The following MMS22L variants were observed in gnomAD, a reference collection of about 807,000 sequenced individuals.
MMS22L encodes protein MMS22-like.
Under a neutral mutation model 159.1 loss-of-function variants are expected in MMS22L, and 74 were observed. The ratio of observed to expected loss-of-function variants is 0.47; its 90% CI spans 0.39 to 0.56. The LOEUF is 0.56. MMS22L is among the 20% of genes least tolerant of loss of function. The probability of loss-of-function intolerance (pLI) is 0.00; values close to 1 mark genes in which losing one functional copy is unlikely to be tolerated. For missense variants in MMS22L, 1,351 were observed against 1,422.1 expected (o/e 0.95, Z 0.80); for synonymous variants, 517 against 506.9 (o/e 1.02, Z -0.27).
chr6:97,262,694 C>A (rs1814627148), intron 9 of MMS22L, among the ~76,000 whole-genome samples: 1 of 150,758 alleles, frequency 6.6e-6, no homozygotes, highest in East Asian at 1.9e-4. Context: ...GCACCCAAAC[C>A]CCAAATTACA....
At chr6:97,170,625 T>C (rs1208503430) in intron 19 of MMS22L, among the ~76,000 whole-genome samples, 4 of 152,172 alleles carry the variant, frequency 2.6e-5, no homozygotes, top group Admixed American at 1.3e-4. Context: ...CCTATGTATT[T>C]TGCCTACTTT....
chr6:97,182,165 T>C (rs1804787979), intron 15 of MMS22L, 111 bp from the exon 16 acceptor site: 6 of 840,498 alleles, frequency 7.1e-6, no homozygotes, highest in Admixed American at 2.8e-5. Context: ...AAGTAACAAA[T>C]AATAAAATGT....
chr6:97,246,816 T>G, intron 10 of MMS22L, 126 bp from the exon 11 acceptor site: 1 of 608,734 alleles, frequency 1.6e-6, no homozygotes, highest in Non-Finnish European at 2.8e-6. Flanking sequence ...TGTGATTTCT[T>G]GAATTTCTAA....
chr6:97,177,276 T>C (rs1804224216), intron 18 of MMS22L, among the ~76,000 whole-genome samples: 1 of 152,172 alleles, frequency 6.6e-6, no homozygotes, highest in Non-Finnish European at 1.5e-5. Context: ...ACTAAAATGC[T>C]TTAAATTCTT....
intron 11 of MMS22L, among the ~76,000 whole-genome samples, chr6:97,235,290 T>C (rs191632090): frequency 6.6e-6 from 1 of 152,164 alleles, no homozygotes; most frequent in Non-Finnish European, 1.5e-5. Flanking sequence ...TGCTATTTCC[T>C]GAAATGGCAA....
chr6:97,206,257 C>T (rs1171327311), intron 14 of MMS22L, among the ~76,000 whole-genome samples: 1 of 151,826 alleles, frequency 6.6e-6, no homozygotes, highest in Admixed American at 6.6e-5. Flanking sequence ...AATTTCTCTA[C>T]TTTCCTTTTC....
Position 97,282,511 on chromosome 6 carries a change from G to A in MMS22L, c.-34C>T. Reference sequence around the variant, plus strand: ...TCATGTTCTGAAACACTTGGGGTTCGTCGTATCATTAAGGGCTCCAAAGAG... The same window carrying A: ...TCATGTTCTGAAACACTTGGGGTTCATCGTATCATTAAGGGCTCCAAAGAG... On this transcript the variant is annotated 5_prime_UTR_variant, in exon 2 of 25. It adds an upstream start codon to the 5' untranslated region. Coordinates refer to ENST00000683635, the MANE Select transcript of MMS22L (RefSeq NM_001350599.2). 2 of 1,393,126 alleles carry A rather than the reference G, an allele frequency of 1.4e-6. No individual in the cohort carries two copies. Among genetic ancestry groups the A allele is most frequent in the Non-Finnish European group, 1.9e-6 (2 of 1,039,784 alleles). 86.3% of individuals were successfully genotyped at this position (1,393,126 alleles called of 1,614,324 possible). A position where few individuals can be genotyped will look rare whatever the true frequency, so the allele number is the denominator to read the frequency against.
At chr6:97,260,090 T>TG (rs746741380) in intron 9 of MMS22L, 5 of 152,202 alleles carry the variant, frequency 3.3e-5, no homozygotes, top group African/African-American at 4.8e-5. Context: ...CTAGAGGACT[T>TG]GGAGATTTTT....
intron 4 of MMS22L, among the ~76,000 whole-genome samples, chr6:97,274,365 C>A (rs181331425): frequency 6.6e-6 from 1 of 152,250 alleles, no homozygotes; most frequent in East Asian, 1.9e-4. Flanking sequence ...CCAATTTTCA[C>A]AATTCTCGGC....
At chr6:97,242,230 TATCTC>T (rs1445932855) in intron 11 of MMS22L, among the ~76,000 whole-genome samples, 6 of 152,326 alleles carry the variant, frequency 3.9e-5, no homozygotes, top group Admixed American at 3.3e-4. Flanking sequence ...TGTTGCCATC[TATCTC>T]ATTTCTTAGG....
In MMS22L at chr6:97,268,145, C is replaced by T. The variant is rs909200676; in HGVS notation, c.698-143G>A. On this transcript the variant is annotated intron_variant, in intron 7 of 24. Transcript: ENST00000683635. Reference sequence around the variant, plus strand: ...TGCAAATAAAATATGAATTTGAGGACAACCTTCTCATATGAGCACTGATAA... The same window carrying T: ...TGCAAATAAAATATGAATTTGAGGATAACCTTCTCATATGAGCACTGATAA... 2.1e-5 allele frequency: 11 copies of T among 525,540 alleles called. No individual in the cohort carries two copies. In the Admixed American group the frequency reaches 4.4e-4, roughly 21 times the overall value. 32.6% of individuals were successfully genotyped at this position (525,540 alleles called of 1,614,324 possible).
chr6:97,221,295 T>A (rs936158146), intron 14 of MMS22L, among the ~76,000 whole-genome samples: 1 of 152,130 alleles, frequency 6.6e-6, no homozygotes, highest in Non-Finnish European at 1.5e-5. Flanking sequence ...AAAACTCGTA[T>A]CTATGTACCG....
At chr6:97,238,059 C>G (rs1582742402) in intron 11 of MMS22L, among the ~76,000 whole-genome samples, 1 of 152,166 alleles carries the variant, frequency 6.6e-6, no homozygotes, top group African/African-American at 2.4e-5. Flanking sequence ...TGGAGTTAAA[C>G]ATATGAAAAT....
intron 14 of MMS22L, among the ~76,000 whole-genome samples, chr6:97,189,193 T>C (rs1228587480): frequency 5.3e-5 from 8 of 150,930 alleles, no homozygotes; most frequent in Non-Finnish European, 1.0e-4. Context: ...CAACAAAACG[T>C]TGAGGTACCA....
At chr6:97,158,516 G>T (rs1232849998) in intron 22 of MMS22L, among the ~76,000 whole-genome samples, 1 of 152,028 alleles carries the variant, frequency 6.6e-6, no homozygotes, top group African/African-American at 2.4e-5. Context: ...TTATATCTTT[G>T]TTCTCACTGG....
chr6:97,181,167 C>T lies in MMS22L; in HGVS notation c.2384+737G>A, dbSNP rs375293139. Among the ~76,000 whole-genome samples the T allele has an allele frequency of 7.2e-5, 11 of 151,978 alleles. No individual in the cohort carries two copies. The South Asian group carries it at 8.3e-4, about 11-fold the overall frequency. ...TGGCAAGTAGAATAAAAATAAAAACCCTAGAAAAAATAAACAGAGAAGTGG... is the reference window on the plus strand; with the variant it reads ...TGGCAAGTAGAATAAAAATAAAAACTCTAGAAAAAATAAACAGAGAAGTGG... On this transcript the variant is annotated intron_variant, in intron 16 of 24. Transcript: ENST00000683635.
chr6:97,239,757 A>C (rs1811852875), intron 11 of MMS22L, among the ~76,000 whole-genome samples: 1 of 152,114 alleles, frequency 6.6e-6, no homozygotes, highest in African/African-American at 2.4e-5. Flanking sequence ...TAAAATGAAG[A>C]TATTAGCCAG....
intron 23 of MMS22L, among the ~76,000 whole-genome samples, chr6:97,151,343 CAT>C (rs989618350): frequency 8.5e-5 from 13 of 152,174 alleles, no homozygotes; most frequent in African/African-American, 3.1e-4. Flanking sequence ...AGTGCAGAGA[CAT>C]GTTATACTGA....
chr6:97,234,097 C>A, intron 11 of MMS22L, 117 bp from the exon 12 acceptor site: 1 of 1,096,756 alleles, frequency 9.1e-7, no homozygotes, highest in Non-Finnish European at 1.3e-6. Context: ...ATGTGTCACC[C>A]AATCATACCC....
Sources: allele counts gnomAD v4.1 joint callset (sites outside exome capture counted in the v4.1 genomes callset), GRCh38; gene constraint gnomAD v4.1.1; transcripts MANE v1.5; gene names NCBI Gene and HGNC (gene_info 2026-07-23, HGNC 2026-07-21).